CWC15: variants seen among roughly 807,000 people sequenced by gnomAD.
CWC15 encodes CWC15 spliceosome associated protein.
CWC15 carries 12 observed loss-of-function variants against 28.4 expected under a neutral mutation model. The ratio of observed to expected loss-of-function variants is 0.42; its 90% CI spans 0.27 to 0.69. The LOEUF is 0.69. CWC15 is among the 30% of genes least tolerant of loss of function. The probability of loss-of-function intolerance (pLI) is 0.23; values close to 1 mark genes in which losing one functional copy is unlikely to be tolerated. For missense variants in CWC15, 192 were observed against 271.5 expected, an observed-to-expected ratio of 0.71 and a Z score of 2.06; for synonymous variants, 92 against 88.4, an observed-to-expected ratio of 1.04 and a Z score of -0.23.
intron 2 of CWC15, 38 bp from the exon 3 acceptor site, chr11:94,971,525 AACAC>A (rs3831469): frequency 6.9e-5 from 54 of 780,826 alleles, no homozygotes; most frequent in East Asian, 4.0e-4. Context: ...ATGTTACTTA[AACAC>A]ACACACACAC....
chr11:94,968,389 C>T (rs969430726), intron 5 of CWC15, among the ~76,000 whole-genome samples: 3 of 152,122 alleles, frequency 2.0e-5, no homozygotes, highest in South Asian at 2.1e-4. Context: ...ATCATTCAAC[C>T]GCAAGAAATA....
chr11:94,967,294 G>A (rs1224208951), intron 5 of CWC15, among the ~76,000 whole-genome samples: 1 of 152,152 alleles, frequency 6.6e-6, no homozygotes, highest in Non-Finnish European at 1.5e-5. Context: ...CCAAAGTGCT[G>A]AGATTACAGG....
chr11:94,969,876 T>C, intron 5 of CWC15, 113 bp downstream of exon 5: 1 of 524,472 alleles, frequency 1.9e-6, no homozygotes, highest in South Asian at 4.1e-5. Flanking sequence ...CTATAATATT[T>C]AGACACGGTA....
chr11:94,970,733 T>C (rs1857707278), intron 4 of CWC15: 1 of 487,644 alleles, frequency 2.1e-6, no homozygotes, highest in African/African-American at 1.9e-5. Flanking sequence ...GGGGAAAGCA[T>C]ATCCTTTTAT....
chr11:94,971,615 A>ACAAGATCATAATTTAAG, intron 2 of CWC15, 128 bp from the exon 3 acceptor site: 1 of 604,660 alleles, frequency 1.7e-6, no homozygotes, highest in Non-Finnish European at 2.9e-6. Flanking sequence ...AGGGAAGTAG[A>ACAAGATCATAATTTAAG]CAAGATCATA....
intron 4 of CWC15, chr11:94,970,331 T>C (rs1043368770): frequency 5.5e-6 from 2 of 361,854 alleles, no homozygotes; most frequent in African/African-American, 2.1e-5. Flanking sequence ...TTTCCTGTTT[T>C]AACTATTATG....
Position 94,964,100 on chromosome 11 carries a change from G to C in CWC15, c.561-586C>G, listed in dbSNP as rs187133760. ...CTGAAGAGCTCAGAGCAGAACTCTG[G>C]TTGGATTCCATAATGTATAAGCACG... is the stretch of plus-strand genomic sequence containing the variant. On this transcript the variant is annotated intron_variant, in intron 6 of 6. Coordinates refer to ENST00000279839, the MANE Select transcript of CWC15 (RefSeq NM_016403.4). 5.3e-5 allele frequency among the ~76,000 whole-genome samples: 8 copies of C among 151,906 alleles called. No homozygotes were observed. In the East Asian group the frequency reaches 1.4e-3, roughly 26 times the overall value.
rs1555096324 is a variant in CWC15 at position 94,972,124 on chromosome 11, C to A, written c.62G>T (p.Gly21Val). ...CTGCTTTGAAAGTTGGCTCAAATCACCTTCTCCTTTTCCCCTTCCACCTCT... is the reference window on the plus strand; with the variant it reads ...CTGCTTTGAAAGTTGGCTCAAATCAACTTCTCCTTTTCCCCTTCCACCTCT... ...PARGGRGKGE[G>V]DLSQLSKQYS... The change falls in exon 2 of 7, where the codon GGT (glycine) becomes GTT (valine). Residue 21 changes from glycine to valine, a missense_variant. Physicochemically the swap from Gly to Val is moderately radical, Grantham distance 109 (BLOSUM62 -3). This residue lies in a region of CWC15 where 188 missense variants were observed against 250.3 expected (regional missense o/e 0.75). Transcript: ENST00000279839. 6.2e-7 allele frequency: 1 copy of A among 1,613,824 alleles called. No individual in the cohort carries two copies. Among genetic ancestry groups the A allele is most frequent in the Non-Finnish European group, 8.5e-7 (1 of 1,179,814 alleles).
intron 5 of CWC15, among the ~76,000 whole-genome samples, chr11:94,966,845 T>C (rs1857653669): frequency 6.6e-6 from 1 of 152,162 alleles, no homozygotes. Context: ...TAAAGGGTCA[T>C]ACCTAACTGT....
chr11:94,969,973 A>G lies in CWC15; in HGVS notation c.441+16T>C. ...TGTGAGAAGATAGATGTAAATATTT[A>G]ATACTTTGGTTTTACCTTCCTGGCC... On this transcript the variant is annotated intron_variant, in intron 5 of 6. Coordinates refer to ENST00000279839, the MANE Select transcript of CWC15 (RefSeq NM_016403.4). 6.7e-7 allele frequency: 1 copy of G among 1,489,612 alleles called. No individual in the cohort carries two copies. Among genetic ancestry groups the G allele is most frequent in the Non-Finnish European group, 8.9e-7 (1 of 1,118,362 alleles). 92.3% of individuals were successfully genotyped at this position (1,489,612 alleles called of 1,614,324 possible).
At chr11:94,969,863 G>A (rs1031931696) in intron 5 of CWC15, 126 bp downstream of exon 5, 4 of 482,812 alleles carry the variant, frequency 8.3e-6, no homozygotes, top group Non-Finnish European at 1.4e-5. Flanking sequence ...AGATCTACAA[G>A]TGCTATAATA....
At chr11:94,970,289 T>A in intron 4 of CWC15, 193 bp from the exon 5 acceptor site, 1 of 409,446 alleles carries the variant, frequency 2.4e-6, no homozygotes, top group East Asian at 3.8e-5. Context: ...TAATTTCAAA[T>A]GAATAATCAT....
Position 94,963,477 on chromosome 11 carries a change from C to T in CWC15, c.598G>A (p.Gly200Ser). Residue 200 changes from glycine to serine, a missense_variant, in exon 7 of 7, where the codon GGT becomes AGT. Coordinates refer to ENST00000279839, the MANE Select transcript of CWC15 (RefSeq NM_016403.4). The stretch of plus-strand genomic sequence containing the variant: ...TTGTCTTTCTTCTGGTCATCTACAC[C>T]TTTTGCACAGTTCTTGAAGACAACG... ...DDVVFKNCAK[G>S]VDDQKKDKRF... 6.3e-7 allele frequency: 1 copy of T among 1,581,480 alleles called. No homozygotes were observed.
chr11:94,967,780 A>T (rs190534695), intron 5 of CWC15, among the ~76,000 whole-genome samples: 10 of 152,326 alleles, frequency 6.6e-5, no homozygotes, highest in Non-Finnish European at 1.0e-4. Flanking sequence ...ACTGGTCAGA[A>T]CTTAAATCAG....
intron 2 of CWC15, among the ~76,000 whole-genome samples, chr11:94,971,723 A>G (rs917506612): frequency 1.3e-5 from 2 of 152,246 alleles, no homozygotes; most frequent in Non-Finnish European, 2.9e-5. Flanking sequence ...AAGGCTTTAC[A>G]GTGATTAAAA....
intron 6 of CWC15, among the ~76,000 whole-genome samples, chr11:94,965,227 G>A (rs751711198): frequency 2.6e-5 from 4 of 152,250 alleles, no homozygotes; most frequent in Non-Finnish European, 4.4e-5. Context: ...CCAGATGGCA[G>A]ATAACAGCAG....
chr11:94,962,793 G>C lies in CWC15; in HGVS notation c.*592C>G, dbSNP rs587673627. ...GAATGCTTACAGAGCTCTCCTCTTC[G>C]GCCATGAGAAAAAAAAACAAGTACC... On this transcript the variant is annotated 3_prime_UTR_variant, in exon 7 of 7. Transcript: ENST00000279839. 1 of 151,924 alleles carries C rather than the reference G, an allele frequency of 6.6e-6. No homozygotes were observed. The highest frequency in any genetic ancestry group is 2.4e-5 in the African/African-American group (1 of 41,350). The allele number at this position is 151,924 out of a possible 1,614,324, so 9.4% of individuals were successfully genotyped here. A position where few individuals can be genotyped will look rare whatever the true frequency, so the allele number is the denominator to read the frequency against.
At chr11:94,964,583 T>G (rs1375204309) in intron 6 of CWC15, among the ~76,000 whole-genome samples, 1 of 152,210 alleles carries the variant, frequency 6.6e-6, no homozygotes, top group African/African-American at 2.4e-5. Flanking sequence ...CCAAACAGGC[T>G]TTTTGTCCCT....
chr11:94,970,906 A>C, intron 4 of CWC15, 71 bp downstream of exon 4: 1 of 1,244,970 alleles, frequency 8.0e-7, no homozygotes, highest in South Asian at 1.2e-5. Context: ...CTTAAAGCAA[A>C]GACATAACAA....
Sources: allele counts gnomAD v4.1 joint callset (sites outside exome capture counted in the v4.1 genomes callset), GRCh38; gene constraint gnomAD v4.1.1; regional missense constraint gnomAD v4.1.1; transcripts MANE v1.5; gene names NCBI Gene and HGNC (gene_info 2026-07-23, HGNC 2026-07-21).